The following EPB41L5 variants were observed in gnomAD, a reference collection of about 807,000 sequenced individuals.
EPB41L5 encodes the protein band 4.1-like protein 5.
In EPB41L5, 55 loss-of-function variants were observed where a neutral mutation model predicts 106.6. The observed-to-expected ratio is 0.52, with a 90% CI of 0.42 to 0.65. The LOEUF is 0.65. EPB41L5 is among the 30% of genes least tolerant of loss of function. The pLI, the probability that EPB41L5 is intolerant of heterozygous loss-of-function variation, is 0.00. For missense variants in EPB41L5, 871 were observed against 882.1 expected (o/e 0.99, Z 0.16); for synonymous variants, 297 against 306.7 (o/e 0.97, Z 0.33).
At chr2:120,072,904 C>T (rs1433495000) in intron 3 of EPB41L5, among the ~76,000 whole-genome samples, 1 of 147,822 alleles carries the variant, frequency 6.8e-6, no homozygotes, top group Non-Finnish European at 1.5e-5. Flanking sequence ...ACGTTCTGCA[C>T]ATGTATCCCA....
At chr2:120,076,470 C>CTTTTTTTTTTT (rs35333671) in intron 7 of EPB41L5, among the ~76,000 whole-genome samples, 1 of 58,898 alleles carries the variant, frequency 1.7e-5, no homozygotes. Context: ...AATTTTTGTA[C>CTTTTTTTTTTT]TTTTTTTTTT....
intron 10 of EPB41L5, among the ~76,000 whole-genome samples, chr2:120,080,954 G>GT (rs1682610653): frequency 6.6e-6 from 1 of 151,858 alleles, no homozygotes; most frequent in African/African-American, 2.4e-5. Context: ...TGGTGGGGTT[G>GT]TTTGTTTTTT....
intron 16 of EPB41L5, among the ~76,000 whole-genome samples, chr2:120,118,738 T>C (rs910395748): frequency 1.3e-5 from 2 of 152,254 alleles, no homozygotes; most frequent in East Asian, 3.8e-4. Flanking sequence ...CTTTATCCAG[T>C]CTGTCATTTA....
chr2:120,154,276 A>T (rs531696016), intron 20 of EPB41L5, among the ~76,000 whole-genome samples: 1 of 151,902 alleles, frequency 6.6e-6, no homozygotes, highest in South Asian at 2.1e-4. Flanking sequence ...CTCCTGCCTC[A>T]GCCTCCCGAG....
intron 2 of EPB41L5, among the ~76,000 whole-genome samples, chr2:120,024,037 G>T (rs1678127582): frequency 6.6e-6 from 1 of 152,190 alleles, no homozygotes; most frequent in Non-Finnish European, 1.5e-5. Context: ...TGTATCCTGA[G>T]ACTTTGTTGA....
At chr2:120,124,596 A>T (rs964720536) in intron 16 of EPB41L5, among the ~76,000 whole-genome samples, 26 of 152,190 alleles carry the variant, frequency 1.7e-4, no homozygotes, top group African/African-American at 4.8e-4. Flanking sequence ...TTTTTATGTT[A>T]TACTCTGAAA....
chr2:120,039,276 G>A (rs910719404), intron 2 of EPB41L5, among the ~76,000 whole-genome samples: 3 of 152,070 alleles, frequency 2.0e-5, no homozygotes, highest in African/African-American at 7.2e-5. Context: ...TAGGGGTAAT[G>A]GTGAGGGCAA....
intron 14 of EPB41L5, among the ~76,000 whole-genome samples, chr2:120,096,614 AC>A (rs1003176278): frequency 5.3e-5 from 8 of 152,186 alleles, no homozygotes; most frequent in African/African-American, 1.9e-4. Context: ...ACGTGGCAAG[AC>A]CCCATCTCTA....
intron 20 of EPB41L5, among the ~76,000 whole-genome samples, chr2:120,146,810 A>G (rs2105503257): frequency 6.6e-6 from 1 of 152,234 alleles, no homozygotes; most frequent in Non-Finnish European, 1.5e-5. Flanking sequence ...TGTGAATCTA[A>G]TGTTCTGTGC....
chr2:120,035,786 A>G (rs1679004073), intron 2 of EPB41L5, among the ~76,000 whole-genome samples: 1 of 152,250 alleles, frequency 6.6e-6, no homozygotes, highest in African/African-American at 2.4e-5. Context: ...TCCCAATCAT[A>G]AATTTTTAAT....
At chr2:120,117,925 G>A (rs536087586) in intron 16 of EPB41L5, among the ~76,000 whole-genome samples, 1 of 151,822 alleles carries the variant, frequency 6.6e-6, no homozygotes, top group Admixed American at 6.6e-5. Context: ...TGGATAATTG[G>A]GATATTAACT....
intron 20 of EPB41L5, among the ~76,000 whole-genome samples, chr2:120,151,545 C>T (rs989756923): frequency 4.0e-5 from 6 of 151,506 alleles, no homozygotes; most frequent in Admixed American, 2.6e-4. Flanking sequence ...CCACTGACCT[C>T]ATGATCCACC....
At chr2:120,065,630 C>T (rs1332630532) in intron 3 of EPB41L5, among the ~76,000 whole-genome samples, 2 of 151,294 alleles carry the variant, frequency 1.3e-5, no homozygotes, top group Non-Finnish European at 2.9e-5. Context: ...GACTCTCATG[C>T]CTCAGCCTCC....
intron 2 of EPB41L5, among the ~76,000 whole-genome samples, chr2:120,039,944 T>C (rs1679296260): frequency 6.6e-6 from 1 of 151,892 alleles, no homozygotes; most frequent in Admixed American, 6.6e-5. Context: ...GAAATCTAGA[T>C]CAGGTATGTA....
chr2:120,132,437 C>T (rs915596113), intron 18 of EPB41L5, among the ~76,000 whole-genome samples: 1 of 152,006 alleles, frequency 6.6e-6, no homozygotes, highest in African/African-American at 2.4e-5. Context: ...GAAAGGAGAA[C>T]GGCTGACTCA....
intron 16 of EPB41L5, among the ~76,000 whole-genome samples, chr2:120,113,568 G>A (rs554963825): frequency 1.6e-4 from 25 of 152,278 alleles, no homozygotes; most frequent in Admixed American, 7.2e-4. Flanking sequence ...AATTCAGTGG[G>A]TTTAGTTTAT....
chr2:120,167,421 T>G, intron 22 of EPB41L5, 45 bp from the exon 23 acceptor site: 1 of 1,505,834 alleles, frequency 6.6e-7, no homozygotes, highest in Non-Finnish European at 9.2e-7. Flanking sequence ...TGAAAATAAG[T>G]CAGTCTTTCC....
chr2:120,099,827 G>A (rs1169865632), intron 14 of EPB41L5, among the ~76,000 whole-genome samples: 1 of 152,188 alleles, frequency 6.6e-6, no homozygotes, highest in Admixed American at 6.5e-5. Context: ...GGCCTTTTGA[G>A]TTATAAAACG....
intron 3 of EPB41L5, among the ~76,000 whole-genome samples, chr2:120,053,014 A>G (rs549847522): frequency 2.0e-5 from 3 of 152,330 alleles, no homozygotes; most frequent in South Asian, 4.1e-4. Context: ...ACCAGTCTCT[A>G]GCCTCTCCCT....
Sources: allele counts gnomAD v4.1 joint callset (sites outside exome capture counted in the v4.1 genomes callset), GRCh38; gene constraint gnomAD v4.1.1; transcripts MANE v1.5; gene names NCBI Gene and HGNC (gene_info 2026-07-23, HGNC 2026-07-21).